GRM3: variants seen among roughly 807,000 people sequenced by gnomAD.
GRM3 encodes the protein glutamate metabotropic receptor 3.
Under a neutral mutation model 70.5 loss-of-function variants are expected in GRM3, and 26 were observed. That is an observed-to-expected ratio of 0.37 (90% confidence interval 0.27 to 0.51). GRM3 has a LOEUF of 0.51. GRM3 is among the 20% of genes least tolerant of loss of function. The pLI is 0.93. For synonymous variants in GRM3, 443 were observed against 434.9 expected, an observed-to-expected ratio of 1.02 and a Z score of -0.23; for missense variants, 859 against 1,123.8, an observed-to-expected ratio of 0.76 and a Z score of 3.37.
At chr7:86,671,234 A>G (rs1207762014) in intron 1 of GRM3, among the ~76,000 whole-genome samples, 2 of 152,130 alleles carry the variant, frequency 1.3e-5, no homozygotes, top group African/African-American at 2.4e-5. Context: ...AGTTTCATAG[A>G]TGTGCCCTTC....
chr7:86,803,903 G>T (rs749660128), intron 3 of GRM3, among the ~76,000 whole-genome samples: 1 of 152,092 alleles, frequency 6.6e-6, no homozygotes, highest in African/African-American at 2.4e-5. Flanking sequence ...GTCAGTTAAC[G>T]CTTTATCATT....
At chr7:86,840,242 T>G (rs960408941) in intron 4 of GRM3, among the ~76,000 whole-genome samples, 2 of 152,092 alleles carry the variant, frequency 1.3e-5, no homozygotes, top group African/African-American at 4.8e-5. Context: ...GAATAAGACA[T>G]AAACTAAGAA....
chr7:86,859,372 A>G (rs1244984253), intron 5 of GRM3, among the ~76,000 whole-genome samples: 1 of 152,214 alleles, frequency 6.6e-6, no homozygotes, highest in East Asian at 1.9e-4. Flanking sequence ...CCCAGATAAC[A>G]TCTATTATTC....
intron 2 of GRM3, among the ~76,000 whole-genome samples, chr7:86,769,882 C>A (rs1796695996): frequency 6.6e-6 from 1 of 152,162 alleles, no homozygotes; most frequent in South Asian, 2.1e-4. Context: ...AGTCTATTCA[C>A]TCTCCCTGGA....
At chr7:86,674,805 T>C (rs1794265695) in intron 1 of GRM3, among the ~76,000 whole-genome samples, 1 of 152,098 alleles carries the variant, frequency 6.6e-6, no homozygotes, top group South Asian at 2.1e-4. Context: ...TATATACTAC[T>C]GTTTCTTGAC....
Position 86,838,916 on chromosome 7 carries a change from G to T in GRM3, c.1402G>T (p.Val468Leu), listed in dbSNP as rs750691453. 1.2e-6 allele frequency: 2 copies of T among 1,613,622 alleles called. No homozygotes were observed. The highest frequency in any genetic ancestry group is 1.7e-6 in the Non-Finnish European group (2 of 1,179,634). Reference sequence around the variant, plus strand: ...TGGAGATGGAATGGGGCGATACAACGTGTTCAATTTCCAAAATGTAGGTGG... The same window carrying T: ...TGGAGATGGAATGGGGCGATACAACTTGTTCAATTTCCAAAATGTAGGTGG... ...TFGDGMGRYN[V>L]FNFQNVGGKY... The change falls in exon 4 of 6, where the codon GTG becomes TTG. Residue 468 changes from valine to leucine, a missense_variant. Transcript: ENST00000361669.
intron 1 of GRM3, among the ~76,000 whole-genome samples, chr7:86,719,074 T>C (rs771794529): frequency 6.6e-6 from 1 of 151,916 alleles, no homozygotes; most frequent in Non-Finnish European, 1.5e-5. Flanking sequence ...AGGAAAACAT[T>C]TCAATAAACT....
intron 2 of GRM3, among the ~76,000 whole-genome samples, chr7:86,782,736 C>T (rs1797107352): frequency 6.6e-6 from 1 of 152,116 alleles, no homozygotes. Context: ...AGCCTAGCAC[C>T]CAGTGGATTC....
At chr7:86,726,522 C>T (rs1213867705) in intron 1 of GRM3, among the ~76,000 whole-genome samples, 2 of 152,150 alleles carry the variant, frequency 1.3e-5, no homozygotes, top group Non-Finnish European at 2.9e-5. Flanking sequence ...TCTCATACAA[C>T]TTTCTTTCCT....
intron 1 of GRM3, among the ~76,000 whole-genome samples, chr7:86,725,126 C>T (rs935237041): frequency 6.6e-6 from 1 of 152,098 alleles, no homozygotes; most frequent in Non-Finnish European, 1.5e-5. Context: ...AATTTCATGG[C>T]TATAACTTTA....
chr7:86,731,765 G>GC (rs1260944461), intron 1 of GRM3, among the ~76,000 whole-genome samples: 1 of 152,124 alleles, frequency 6.6e-6, no homozygotes, highest in Non-Finnish European at 1.5e-5. Flanking sequence ...TTATTCAGCT[G>GC]CCCCATGAGG....
intron 1 of GRM3, among the ~76,000 whole-genome samples, chr7:86,706,525 TG>T (rs1795061011): frequency 6.6e-6 from 1 of 151,998 alleles, no homozygotes; most frequent in Non-Finnish European, 1.5e-5. Context: ...GGCTTTGTGG[TG>T]GGCAGTATGC....
chr7:86,695,543 G>C (rs897897062), intron 1 of GRM3, among the ~76,000 whole-genome samples: 1 of 152,120 alleles, frequency 6.6e-6, no homozygotes, highest in Non-Finnish European at 1.5e-5. Flanking sequence ...ATTAAAGGAC[G>C]GGAAAGCTGA....
chr7:86,814,375 CT>C (rs1277983149), intron 3 of GRM3, among the ~76,000 whole-genome samples: 1 of 151,686 alleles, frequency 6.6e-6, no homozygotes, highest in Non-Finnish European at 1.5e-5. Flanking sequence ...ATCTCTCGCC[CT>C]CTCCCACTCT....
chr7:86,709,566 G>A (rs558199200), intron 1 of GRM3, among the ~76,000 whole-genome samples: 5 of 151,692 alleles, frequency 3.3e-5, no homozygotes, highest in South Asian at 2.1e-4. Context: ...TGGTACCTTC[G>A]GGGGGGTGGG....
intron 1 of GRM3, among the ~76,000 whole-genome samples, chr7:86,715,463 A>C (rs1023632286): frequency 6.6e-6 from 1 of 151,968 alleles, no homozygotes; most frequent in Non-Finnish European, 1.5e-5. Context: ...ATTTTAAGGA[A>C]GGTGTCTTGC....
chr7:86,755,616 T>A lies in GRM3; in HGVS notation c.-140-9390T>A, dbSNP rs141049850. ...TAAATATTTTAACAACTGGTATGGC[T>A]GTACCAGTGTGTGCCAGCTGGGTTT... On this transcript the variant is annotated intron_variant, in intron 1 of 5. Transcript: ENST00000361669. Among the ~76,000 whole-genome samples the A allele has an allele frequency of 1.2e-3, 186 of 152,242 alleles. 2 individuals carry two copies. The highest frequency in any genetic ancestry group is 4.3e-3 in the African/African-American group (178 of 41,548).
At chr7:86,703,198 C>T (rs564760927) in intron 1 of GRM3, among the ~76,000 whole-genome samples, 1 of 151,738 alleles carries the variant, frequency 6.6e-6, no homozygotes, top group Non-Finnish European at 1.5e-5. Context: ...ATTTTATAAT[C>T]ATCATATCTG....
intron 1 of GRM3, among the ~76,000 whole-genome samples, chr7:86,726,309 G>T (rs1176684225): frequency 2.0e-5 from 3 of 152,136 alleles, no homozygotes; most frequent in Non-Finnish European, 4.4e-5. Flanking sequence ...TCATTACAGA[G>T]ATTTTTTAAA....
Sources: gnomAD v4.1 joint callset for allele counts (sites outside exome capture counted in the v4.1 genomes callset) on GRCh38, gnomAD v4.1.1 for gene constraint, MANE v1.5 for transcripts, NCBI Gene and HGNC (gene_info 2026-07-23, HGNC 2026-07-21) for gene names.